KY: variants seen among roughly 807,000 people sequenced by gnomAD.
The protein encoded by KY is kyphoscoliosis peptidase.
KY carries 43 observed loss-of-function variants against 76.1 expected under a neutral mutation model. That is an observed-to-expected ratio of 0.57 (90% CI 0.44 to 0.73). KY has a LOEUF of 0.73. Among genes scored for constraint, KY ranks in the 30% least tolerant of loss-of-function variants. The pLI, the probability that KY is intolerant of heterozygous loss-of-function variation, is 0.00. For missense variants in KY, 722 were observed against 828.9 expected, an observed-to-expected ratio of 0.87 and a Z score of 1.58; for synonymous variants, 277 against 326.2, an observed-to-expected ratio of 0.85 and a Z score of 1.63.
rs565720716 is a variant in KY at position 134,636,619 on chromosome 3, C to T, written c.262+6697G>A. On this transcript the variant is annotated intron_variant, in intron 3 of 10. Transcript: ENST00000423778. ...GCTGACAACAAGCACATGAGCAAGCCCACCCAAGACCCAAGATCAGCTGGG... is the reference window on the plus strand; with the variant it reads ...GCTGACAACAAGCACATGAGCAAGCTCACCCAAGACCCAAGATCAGCTGGG... 2.5e-3 allele frequency among the ~76,000 whole-genome samples: 376 copies of T among 152,324 alleles called. 2 individuals are homozygous for T. The highest frequency in any genetic ancestry group is 4.2e-3 in the Non-Finnish European group (286 of 68,020).
chr3:134,608,764 C>A lies in KY; in HGVS notation c.975G>T (p.Gln325His). The A allele has an allele frequency of 6.2e-7, 1 of 1,614,056 alleles. No individual in the cohort carries two copies. Residue 325 changes from glutamine to histidine, a missense_variant, in exon 10 of 11, where the codon CAG becomes CAT. Physicochemically the swap from Gln to His is conservative, Grantham distance 24. Around this residue, in one of 2 missense-constraint regions of KY, gnomAD observed 552 missense variants for 680.9 expected, o/e 0.81. Coordinates refer to ENST00000423778, the MANE Select transcript of KY (RefSeq NM_178554.6). ...EDHFPDNKNW[Q>H]LLKPPQSLRQ... ...TCAGAGATTGAGGAGGTTTTAGCAGCTGCCAGTTCTTGTTGTCTGGGAAGT... is the reference window on the plus strand; with the variant it reads ...TCAGAGATTGAGGAGGTTTTAGCAGATGCCAGTTCTTGTTGTCTGGGAAGT...
intron 9 of KY, among the ~76,000 whole-genome samples, chr3:134,609,623 C>T (rs1423934960): frequency 6.6e-6 from 1 of 152,178 alleles, no homozygotes; most frequent in East Asian, 1.9e-4. Flanking sequence ...TTGGCCAGAG[C>T]CCCAGAGGAC....
At chr3:134,615,030 A>T (rs950114513) in intron 8 of KY, among the ~76,000 whole-genome samples, 5 of 152,214 alleles carry the variant, frequency 3.3e-5, no homozygotes, top group Admixed American at 1.3e-4. Context: ...GGACAAACAA[A>T]CCATGACTTA....
At chr3:134,638,086 C>T (rs1965230950) in intron 3 of KY, among the ~76,000 whole-genome samples, 2 of 152,334 alleles carry the variant, frequency 1.3e-5, no homozygotes, top group South Asian at 4.1e-4. Flanking sequence ...CTTTCTCGTC[C>T]TCCCTGATCT....
intron 5 of KY, 21 bp downstream of exon 5, chr3:134,627,735 C>T: frequency 6.2e-7 from 1 of 1,611,382 alleles, no homozygotes; most frequent in African/African-American, 1.3e-5. Context: ...GAGAATTGTC[C>T]TGGAAGACTC....
rs976922507 is a variant in KY, at chr3:134,638,903, G to A, written c.262+4413C>T. 3.1e-5 allele frequency among the ~76,000 whole-genome samples: 3 copies of A among 97,590 alleles called. No homozygotes were observed. The Admixed American group carries it at 3.7e-4, about 12-fold the overall frequency. The allele number at this position is 97,590 out of a possible 152,430, so 64.0% of individuals were successfully genotyped here. On this transcript the variant is annotated intron_variant, in intron 3 of 10. Coordinates refer to ENST00000423778, the MANE Select transcript of KY (RefSeq NM_178554.6). ...CTGAAGGGATCAATTAACGAAGACTGTCAGGTGTGTGTGTGTGTGCATGTG... is the reference window on the plus strand; with the variant it reads ...CTGAAGGGATCAATTAACGAAGACTATCAGGTGTGTGTGTGTGTGCATGTG...
intron 10 of KY, 82 bp downstream of exon 10, chr3:134,608,567 G>T (rs1166787988): frequency 4.3e-6 from 7 of 1,611,012 alleles, no homozygotes; most frequent in South Asian, 1.1e-5. Context: ...CCTTGAAAGC[G>T]CAGTCTCAGG....
At chr3:134,622,412 A>G (rs1386418714) in intron 6 of KY, among the ~76,000 whole-genome samples, 1 of 152,242 alleles carries the variant, frequency 6.6e-6, no homozygotes, top group East Asian at 1.9e-4. Context: ...TGTATATGCT[A>G]CGACATGGAT....
chr3:134,627,840 A>G lies in KY; in HGVS notation c.338-22T>C, dbSNP rs746949330. 3.6e-5 allele frequency: 58 copies of G among 1,592,672 alleles called. No homozygotes were observed. In the Middle Eastern group the frequency reaches 1.5e-3, roughly 41 times the overall value. ...AAACCTACAATATTCCAAAGATCAG[A>G]AGTATAGATACTTCAGAAGAAACAG... On this transcript the variant is annotated intron_variant, in intron 4 of 10. Transcript: ENST00000423778.
chr3:134,621,673 A>G (rs557870173), intron 6 of KY, among the ~76,000 whole-genome samples: 1 of 152,354 alleles, frequency 6.6e-6, no homozygotes, highest in Admixed American at 6.5e-5. Flanking sequence ...ATTCTTAGAT[A>G]TGGCACCAAA....
intron 6 of KY, among the ~76,000 whole-genome samples, chr3:134,622,457 C>T (rs1962793898): frequency 6.6e-6 from 1 of 152,064 alleles, no homozygotes; most frequent in Admixed American, 6.5e-5. Context: ...TGACATAAGC[C>T]AGACACAAAA....
intron 10 of KY, chr3:134,607,470 T>G: frequency 2.0e-6 from 2 of 985,734 alleles, no homozygotes; most frequent in Non-Finnish European, 2.4e-6. Flanking sequence ...CCTCCTGTCC[T>G]GGGCGGATGG....
At chr3:134,621,016 G>T (rs1328201151) in intron 6 of KY, among the ~76,000 whole-genome samples, 159 bp from the exon 7 acceptor site, 1 of 152,184 alleles carries the variant, frequency 6.6e-6, no homozygotes, top group African/African-American at 2.4e-5. Flanking sequence ...ATTGGGAGGA[G>T]GTGGGGGAAG....
Position 134,627,835 on chromosome 3 carries a change from AT to A in KY, c.338-18del, listed in dbSNP as rs566267592. ...CTTGTAAACCTACAATATTCCAAAG[AT>A]CAGAAGTATAGATACTTCAGAAGAA... is the stretch of plus-strand genomic sequence containing the variant. On this transcript the variant is annotated intron_variant, in intron 4 of 10. Coordinates refer to ENST00000423778, the MANE Select transcript of KY (RefSeq NM_178554.6). 331 of 1,601,566 alleles carry A rather than the reference AT, an allele frequency of 2.1e-4. No homozygotes were observed. The African/African-American group carries it at 3.8e-3, about 19-fold the overall frequency.
chr3:134,640,352 T>C (rs940034493), intron 3 of KY, among the ~76,000 whole-genome samples: 1 of 152,172 alleles, frequency 6.6e-6, no homozygotes. Context: ...CTTCTGGGTC[T>C]GGTATGCGAC....
chr3:134,607,220 C>A, intron 10 of KY: 2 of 985,492 alleles, frequency 2.0e-6, no homozygotes, highest in Non-Finnish European at 2.4e-6. Context: ...AATTGAGCAA[C>A]TTCACGCTGT....
At chr3:134,643,469 G>A in intron 2 of KY, 91 bp from the exon 3 acceptor site, 2 of 1,034,998 alleles carry the variant, frequency 1.9e-6, no homozygotes, top group Non-Finnish European at 1.5e-6. Flanking sequence ...GGGAAAGGTG[G>A]GCTGGCGGGG....
intron 1 of KY, among the ~76,000 whole-genome samples, chr3:134,647,962 T>G (rs1307616649): frequency 6.6e-6 from 1 of 152,216 alleles, no homozygotes; most frequent in Non-Finnish European, 1.5e-5. Context: ...TTGGCCTCCC[T>G]TGCAGCTAGA....
At chr3:134,629,255 G>A (rs1963900808) in intron 4 of KY, 2 of 228,774 alleles carry the variant, frequency 8.7e-6, no homozygotes, top group Non-Finnish European at 8.9e-6. Flanking sequence ...GATGATATTA[G>A]TATACATCAA....
Sources: gnomAD v4.1 joint callset for allele counts (sites outside exome capture counted in the v4.1 genomes callset) on GRCh38, gnomAD v4.1.1 for gene constraint, gnomAD v4.1.1 regional missense constraint, MANE v1.5 for transcripts, NCBI Gene and HGNC (gene_info 2026-07-23, HGNC 2026-07-21) for gene names.